The following TMEM245 variants were observed in gnomAD, a reference collection of about 807,000 sequenced individuals.
The protein encoded by TMEM245 is transmembrane protein 245.
A neutral mutation model predicts 101.2 loss-of-function variants in TMEM245; 69 were observed. That is an observed-to-expected ratio of 0.68 (90% confidence interval 0.56 to 0.83). The LOEUF is 0.83. TMEM245 is among the 40% of genes least tolerant of loss of function. The probability of loss-of-function intolerance (pLI) is 0.00; values close to 1 mark genes in which losing one functional copy is unlikely to be tolerated. For synonymous variants in TMEM245, 537 were observed against 449.8 expected (o/e 1.19, Z -2.45); for missense variants, 1,075 against 1,092.8 (o/e 0.98, Z 0.23).
Position 109,093,674 on chromosome 9 carries a change from C to T in TMEM245, c.800-83G>A. ...TTTAAACACAGTCCAACATTTTCAA[C>T]AACAACAAAATAAAATGGTTACTAC... On this transcript the variant is annotated intron_variant, in intron 3 of 17. Transcript: ENST00000374586. The T allele has an allele frequency of 7.1e-6, 8 of 1,124,368 alleles. No individual in the cohort carries two copies. The South Asian group carries it at 1.0e-4, about 14-fold the overall frequency. The allele number at this position is 1,124,368 out of a possible 1,614,324, so 69.6% of individuals were successfully genotyped here.
intron 14 of TMEM245, among the ~76,000 whole-genome samples, chr9:109,039,665 A>G (rs913213945): frequency 1.4e-4 from 22 of 152,170 alleles, no homozygotes; most frequent in African/African-American, 5.3e-4. Flanking sequence ...GCAAGTGGAG[A>G]GAAAATAGGG....
At chr9:109,042,609 G>A (rs1828344833) in intron 14 of TMEM245, 1 of 151,850 alleles carries the variant, frequency 6.6e-6, no homozygotes. Context: ...CTGTCCACAT[G>A]TCTCCTTCAT....
At chr9:109,090,866 A>C in intron 5 of TMEM245, 56 bp downstream of exon 5, 1 of 1,522,820 alleles carries the variant, frequency 6.6e-7, no homozygotes, top group Non-Finnish European at 8.9e-7. Flanking sequence ...AAAGTAAAAA[A>C]AGAAAAAAAT....
chr9:109,099,546 G>T (rs553195150), intron 3 of TMEM245, among the ~76,000 whole-genome samples: 1 of 152,220 alleles, frequency 6.6e-6, no homozygotes, highest in South Asian at 2.1e-4. Context: ...AACTTTTGAA[G>T]AAATTTCTTA....
At chr9:109,058,251 G>A (rs990924816) in intron 11 of TMEM245, among the ~76,000 whole-genome samples, 4 of 151,654 alleles carry the variant, frequency 2.6e-5, no homozygotes, top group South Asian at 2.1e-4. Flanking sequence ...TGATCCGCCC[G>A]CCTCAGCCTC....
rs951888760 is a variant in TMEM245, at chr9:109,029,445, T to C, written c.2594+3862A>G. ...AAATAATAAAAATTGCTTCAGACTT[T>C]TAACAACAATCCTAGAAGCCAGAAA... is the stretch of plus-strand genomic sequence containing the variant. On this transcript the variant is annotated intron_variant, in intron 17 of 17. Coordinates refer to ENST00000374586, the MANE Select transcript of TMEM245 (RefSeq NM_032012.4). Among the ~76,000 whole-genome samples the C allele has an allele frequency of 3.9e-5, 6 of 152,196 alleles. 1 individual carries two copies. The highest frequency in any genetic ancestry group is 8.8e-5 in the Non-Finnish European group (6 of 68,040).
intron 14 of TMEM245, chr9:109,046,286 G>T: frequency 1.9e-6 from 1 of 534,382 alleles, no homozygotes; most frequent in Non-Finnish European, 3.8e-6. Flanking sequence ...ACTTAGTAAT[G>T]TGCAATATCT....
intron 4 of TMEM245, among the ~76,000 whole-genome samples, chr9:109,091,410 A>G (rs1025429686): frequency 6.6e-6 from 1 of 152,250 alleles, no homozygotes; most frequent in Non-Finnish European, 1.5e-5. Context: ...GGAGTCATTA[A>G]AACAAAATAC....
chr9:109,086,057 A>G (rs762609293), intron 6 of TMEM245, 37 bp from the exon 7 acceptor site: 9 of 1,602,152 alleles, frequency 5.6e-6, no homozygotes, highest in Admixed American at 1.7e-5. Flanking sequence ...AGAGAAGATA[A>G]GAACAGTGGA....
chr9:109,026,976 T>G (rs1374313492), intron 17 of TMEM245, among the ~76,000 whole-genome samples: 1 of 152,114 alleles, frequency 6.6e-6, no homozygotes, highest in Non-Finnish European at 1.5e-5. Flanking sequence ...ATACTTCTTG[T>G]AGAGTCTGAA....
In TMEM245 at chr9:109,015,910, G is replaced by C. The variant is rs1335561583; in HGVS notation, c.*4550C>G. ...AACCTGCAAAATTAAACACAATACT[G>C]ATTTTACACACCACAGGTGGAAAAG... On this transcript the variant is annotated 3_prime_UTR_variant, in exon 18 of 18. Transcript: ENST00000374586. 2.6e-5 allele frequency: 4 copies of C among 152,504 alleles called. No homozygotes were observed. The allele number at this position is 152,504 out of a possible 1,614,324, so 9.4% of individuals were successfully genotyped here.
chr9:109,018,075 C>T lies in TMEM245; in HGVS notation c.*2385G>A, dbSNP rs1204450632. On this transcript the variant is annotated 3_prime_UTR_variant, in exon 18 of 18. Transcript: ENST00000374586. ...CTCTAAAGTATTCTCTTAAAGACCT[C>T]TAAGAACCTGATATTTATGCTAATA... 6.6e-6 allele frequency: 1 copy of T among 152,144 alleles called. No individual in the cohort carries two copies. Among genetic ancestry groups the T allele is most frequent in the East Asian group, 1.9e-4 (1 of 5,180 alleles). The allele number at this position is 152,144 out of a possible 1,614,324, so 9.4% of individuals were successfully genotyped here.
At chr9:109,029,825 C>T (rs1827895986) in intron 17 of TMEM245, among the ~76,000 whole-genome samples, 1 of 152,040 alleles carries the variant, frequency 6.6e-6, no homozygotes, top group Admixed American at 6.5e-5. Context: ...ATGCCTGGTG[C>T]GACTGAACAT....
At chr9:109,079,953 AC>A (rs2132517591) in intron 8 of TMEM245, among the ~76,000 whole-genome samples, 1 of 152,262 alleles carries the variant, frequency 6.6e-6, no homozygotes, top group East Asian at 1.9e-4. Flanking sequence ...AAACAGAAGT[AC>A]TAGAAGAGAT....
Position 109,093,366 on chromosome 9 carries a change from G to T in TMEM245, c.916+109C>A, listed in dbSNP as rs374519583. The T allele has an allele frequency of 3.7e-4, 312 of 844,656 alleles. 3 individuals carry two copies. The South Asian group carries it at 4.5e-3, about 12-fold the overall frequency. The allele number at this position is 844,656 out of a possible 1,614,324, so 52.3% of individuals were successfully genotyped here. A position where few individuals can be genotyped will look rare whatever the true frequency, so the allele number is the denominator to read the frequency against. On this transcript the variant is annotated intron_variant, in intron 4 of 17. Coordinates refer to ENST00000374586, the MANE Select transcript of TMEM245 (RefSeq NM_032012.4). ...ATAGGAACCAAAGAGAATAAATGAA[G>T]GATCAGCAGGAGTAAGTAGCATTTT... is the stretch of plus-strand genomic sequence containing the variant.
chr9:109,081,385 T>C (rs1479792757), intron 7 of TMEM245, among the ~76,000 whole-genome samples: 1 of 152,156 alleles, frequency 6.6e-6, no homozygotes, highest in African/African-American at 2.4e-5. Context: ...AATACAGGCA[T>C]GGACTAAAAA....
At chr9:109,026,442 GGGATTATCCAGATGGA>G (rs1234581365) in intron 17 of TMEM245, among the ~76,000 whole-genome samples, 1 of 151,938 alleles carries the variant, frequency 6.6e-6, no homozygotes, top group Admixed American at 6.6e-5. Context: ...GGAAAAATGG[GGGATTATCCAGATGGA>G]GGATTATCCA....
chr9:109,068,859 G>T (rs2132469827), intron 9 of TMEM245, among the ~76,000 whole-genome samples: 1 of 152,268 alleles, frequency 6.6e-6, no homozygotes, highest in South Asian at 2.1e-4. Context: ...TAAGAGTTAG[G>T]GAAATATTGA....
At chr9:109,029,288 C>T (rs1827880694) in intron 17 of TMEM245, among the ~76,000 whole-genome samples, 2 of 152,262 alleles carry the variant, frequency 1.3e-5, no homozygotes, top group South Asian at 4.1e-4. Context: ...CATGAAACAA[C>T]TCAAGAAAAA....
Sources: allele counts gnomAD v4.1 joint callset (sites outside exome capture counted in the v4.1 genomes callset), GRCh38; gene constraint gnomAD v4.1.1; transcripts MANE v1.5; gene names NCBI Gene and HGNC (gene_info 2026-07-23, HGNC 2026-07-21).